RBFOX1: variants seen among roughly 807,000 people sequenced by gnomAD.
RBFOX1 encodes RNA binding protein fox-1 homolog 1.
Under a neutral mutation model 57.7 loss-of-function variants are expected in RBFOX1, and 8 were observed. The ratio of observed to expected loss-of-function variants is 0.14; its 90% confidence interval spans 0.08 to 0.25. The LOEUF (loss-of-function observed/expected upper bound fraction) is 0.25. RBFOX1 is among the 10% of genes least tolerant of loss of function. The pLI is 1.00. For synonymous variants in RBFOX1, 326 were observed against 222.4 expected (o/e 1.47, Z -4.15); for missense variants, 611 against 548.5 (o/e 1.11, Z -1.14).
At chr16:6,654,267 G>A (rs1425892320) in intron 2 of RBFOX1, among the ~76,000 whole-genome samples, 2 of 152,154 alleles carry the variant, frequency 1.3e-5, no homozygotes, top group Non-Finnish European at 2.9e-5. Flanking sequence ...GATATTAAAG[G>A]CAGTCTCTGC....
chr16:6,752,688 G>A (rs1048982911), intron 3 of RBFOX1, among the ~76,000 whole-genome samples: 2 of 152,196 alleles, frequency 1.3e-5, no homozygotes, highest in Admixed American at 6.5e-5. Context: ...ACCTTTCTGC[G>A]TATCGGTTTC....
At position 7,666,917 on chromosome 16, in the gene RBFOX1, G is replaced by C. The variant is rs140352670; in HGVS notation, c.930+1949G>C. ...TGCAGCTCGGGAAGCATCAGGGTGA[G>C]CTTCAAGGACAGAGTTTCTTCCAGT... On this transcript the variant is annotated intron_variant, in intron 13 of 15. Coordinates refer to ENST00000550418, the MANE Select transcript of RBFOX1 (RefSeq NM_018723.4). Among the ~76,000 whole-genome samples, 31 of 152,270 alleles carry C rather than the reference G, an allele frequency of 2.0e-4. 1 individual carries two copies. In the East Asian group the frequency reaches 5.0e-3, roughly 25 times the overall value.
chr16:5,833,718 T>A (rs111926822), intron 3 of RBFOX1, among the ~76,000 whole-genome samples: 1 of 152,134 alleles, frequency 6.6e-6, no homozygotes, highest in African/African-American at 2.4e-5. Flanking sequence ...TGTTGGCACA[T>A]CTCTCTCTTT....
At chr16:6,044,986 G>C (rs1174746715) in intron 1 of RBFOX1, among the ~76,000 whole-genome samples, 1 of 152,186 alleles carries the variant, frequency 6.6e-6, no homozygotes, top group Non-Finnish European at 1.5e-5. Context: ...TTAGAATACA[G>C]GAAGAAGTTT....
At position 6,686,341 on chromosome 16, in the gene RBFOX1, C is replaced by A. The variant is rs1438605272; in HGVS notation, c.-16+31691C>A. Among the ~76,000 whole-genome samples the A allele has an allele frequency of 2.0e-5, 3 of 152,198 alleles. No individual in the cohort carries two copies. The East Asian group carries it at 5.8e-4, about 29-fold the overall frequency. On this transcript the variant is annotated intron_variant, in intron 3 of 15. Transcript: ENST00000550418. ...GGGCTTAGTCTGAGCCCTCGCCCCT[C>A]CTCCTTTGCTTTATTGATGCTTCAG...
intron 3 of RBFOX1, among the ~76,000 whole-genome samples, chr16:6,985,973 C>G (rs946900611): frequency 6.6e-6 from 1 of 151,056 alleles, no homozygotes; most frequent in South Asian, 2.1e-4. Context: ...ACTTTCCAAA[C>G]TTACCGGACG....
At chr16:6,324,808 A>G (rs557664948) in intron 2 of RBFOX1, among the ~76,000 whole-genome samples, 7 of 152,330 alleles carry the variant, frequency 4.6e-5, no homozygotes, top group African/African-American at 1.4e-4. Flanking sequence ...ACTAGGCCAC[A>G]GAAGAGAAGG....
intron 4 of RBFOX1, among the ~76,000 whole-genome samples, chr16:7,302,322 T>G (rs946988439): frequency 2.0e-5 from 3 of 152,320 alleles, no homozygotes; most frequent in Non-Finnish European, 4.4e-5. Context: ...ATAATTAGTT[T>G]TCTTTTCTTC....
chr16:7,308,996 G>C (rs146249223), intron 4 of RBFOX1, among the ~76,000 whole-genome samples: 36 of 152,244 alleles, frequency 2.4e-4, no homozygotes, highest in Non-Finnish European at 4.0e-4. Context: ...TAGTGCTATG[G>C]ATTGGGGGTG....
At chr16:6,693,501 T>C (rs1047494468) in intron 3 of RBFOX1, among the ~76,000 whole-genome samples, 13 of 151,006 alleles carry the variant, frequency 8.6e-5, no homozygotes, top group African/African-American at 2.7e-4. Context: ...ACCACCATCA[T>C]CATCATCCTC....
intron 3 of RBFOX1, among the ~76,000 whole-genome samples, chr16:6,856,197 A>C (rs1400169426): frequency 2.6e-5 from 4 of 151,934 alleles, no homozygotes; most frequent in African/African-American, 9.7e-5. Context: ...TGTATTGAGA[A>C]CCAGATACTG....
At chr16:6,403,341 TG>T (rs2093152162) in intron 2 of RBFOX1, among the ~76,000 whole-genome samples, 1 of 152,192 alleles carries the variant, frequency 6.6e-6, no homozygotes, top group Non-Finnish European at 1.5e-5. Context: ...GGCTTGCTTT[TG>T]ATAATCTCCC....
chr16:5,601,020 C>G (rs866123173), downstream of RBFOX1: 2 of 152,228 alleles, frequency 1.3e-5, no homozygotes, highest in African/African-American at 4.8e-5. Flanking sequence ...AGTCTTGCAG[C>G]TTCACATCAA....
intron 1 of RBFOX1, among the ~76,000 whole-genome samples, chr16:5,396,843 T>G (rs1384357822): frequency 6.6e-6 from 1 of 152,210 alleles, no homozygotes; most frequent in Non-Finnish European, 1.5e-5. Context: ...TTCTTGAACT[T>G]CGTTGTCTCA....
intron 4 of RBFOX1, among the ~76,000 whole-genome samples, chr16:6,005,705 A>G (rs1421961251): frequency 2.6e-5 from 4 of 152,178 alleles, no homozygotes; most frequent in African/African-American, 9.6e-5. Context: ...GGGGAAAAAC[A>G]TTGCCCCTGT....
chr16:5,478,847 A>G (rs1284426331), intron 2 of RBFOX1, among the ~76,000 whole-genome samples: 1 of 152,090 alleles, frequency 6.6e-6, no homozygotes, highest in East Asian at 1.9e-4. Flanking sequence ...ATGGGCTGCT[A>G]TATTCCTAAG....
chr16:7,309,702 C>T (rs546397327), intron 4 of RBFOX1, among the ~76,000 whole-genome samples: 13 of 152,156 alleles, frequency 8.5e-5, no homozygotes, highest in Admixed American at 1.3e-4. Context: ...TCATATTGGC[C>T]GGGTGAAAAC....
intron 3 of RBFOX1, among the ~76,000 whole-genome samples, chr16:7,000,596 C>CTTTTTTTTTTTTTTTTTTTTTTTTTTTT (rs759103545): frequency 1.4e-4 from 13 of 92,596 alleles, no homozygotes; most frequent in East Asian, 4.0e-4. Flanking sequence ...CTTTTTCTTT[C>CTTTTTTTTTTTTTTTTTTTTTTTTTTTT]TTTTTTTTTT....
At chr16:6,268,517 T>G (rs567504879) in intron 1 of RBFOX1, among the ~76,000 whole-genome samples, 8 of 152,326 alleles carry the variant, frequency 5.3e-5, no homozygotes, top group Non-Finnish European at 8.8e-5. Flanking sequence ...TTGACAGAGA[T>G]GAGACCTTCC....
Sources: gnomAD v4.1 joint callset for allele counts (sites outside exome capture counted in the v4.1 genomes callset) on GRCh38, gnomAD v4.1.1 for gene constraint, MANE v1.5 for transcripts, NCBI Gene and HGNC (gene_info 2026-07-23, HGNC 2026-07-21) for gene names.